The following NDUFA7 variants were observed in gnomAD, a reference collection of about 807,000 sequenced individuals.
NDUFA7 encodes NADH dehydrogenase [ubiquinone] 1 alpha subcomplex subunit 7.
NDUFA7 carries 18 observed loss-of-function variants against 14.2 expected under a neutral mutation model. The observed-to-expected ratio is 1.27, with a 90% CI of 0.88 to 1.88. The LOEUF (loss-of-function observed/expected upper bound fraction) is 1.88, where lower values mean the gene tolerates loss of function less well. Among genes scored for constraint, NDUFA7 ranks in the 40% most tolerant of loss-of-function variants. The pLI is 0.00. For missense variants in NDUFA7, 172 were observed against 147.3 expected, an observed-to-expected ratio of 1.17 and a Z score of -0.87; for synonymous variants, 75 against 62.1, an observed-to-expected ratio of 1.21 and a Z score of -0.98.
intron 2 of NDUFA7, 28 bp downstream of exon 2, chr19:8,320,829 G>A (rs1025250411): frequency 1.9e-6 from 3 of 1,613,494 alleles, no homozygotes; most frequent in Non-Finnish European, 2.5e-6. Flanking sequence ...CAGAGCCAGA[G>A]GCTGGGCAGC....
At chr19:8,315,277 G>A (rs1205431929) in intron 3 of NDUFA7, among the ~76,000 whole-genome samples, 1 of 152,136 alleles carries the variant, frequency 6.6e-6, no homozygotes, top group East Asian at 1.9e-4. Context: ...TAAAGGGTCT[G>A]TGATGAGGAG....
intron 3 of NDUFA7, among the ~76,000 whole-genome samples, chr19:8,315,945 T>C (rs966091310): frequency 2.6e-5 from 4 of 151,620 alleles, no homozygotes; most frequent in African/African-American, 9.7e-5. Flanking sequence ...ACAAGGTCAG[T>C]TCAAGACCAG....
chr19:8,316,414 C>A, intron 3 of NDUFA7, 82 bp downstream of exon 3: 1 of 1,558,158 alleles, frequency 6.4e-7, no homozygotes, highest in Non-Finnish European at 8.7e-7. Flanking sequence ...TCTTGACAAG[C>A]ACCCTTTCCA....
At chr19:8,316,792 TG>T in intron 2 of NDUFA7, 147 bp from the exon 3 acceptor site, 1 of 906,320 alleles carries the variant, frequency 1.1e-6, no homozygotes, top group Non-Finnish European at 1.7e-6. Flanking sequence ...CTTGGTACAC[TG>T]GCAGGGACAT....
intron 2 of NDUFA7, 30 bp from the exon 3 acceptor site, chr19:8,316,675 A>C (rs1302163176): frequency 3.1e-6 from 5 of 1,610,590 alleles, no homozygotes; most frequent in Non-Finnish European, 2.5e-6. Flanking sequence ...GCACTGAAGC[A>C]AAGAGACAGT....
intron 1 of NDUFA7, 146 bp from the exon 2 acceptor site, chr19:8,321,052 C>T: frequency 1.0e-6 from 1 of 977,734 alleles, no homozygotes; most frequent in South Asian, 1.5e-5. Flanking sequence ...GTGGGTCCTG[C>T]AGGTGAAGAG....
intron 2 of NDUFA7, among the ~76,000 whole-genome samples, chr19:8,320,062 G>A (rs1754706114): frequency 6.6e-6 from 1 of 151,972 alleles, no homozygotes; most frequent in Non-Finnish European, 1.5e-5. Context: ...CACTGTGTTG[G>A]CCAGGCTGGT....
rs1385450811 is a variant in NDUFA7, at chr19:8,320,918, G to A, written c.52-12C>T. ...CCCTGCAGGTCATGCTGTGGGAAGAGGAGAGGAGAGGTCGGCCTGCAAGGC... is the reference window on the plus strand; with the variant it reads ...CCCTGCAGGTCATGCTGTGGGAAGAAGAGAGGAGAGGTCGGCCTGCAAGGC... On this transcript the variant is annotated splice_polypyrimidine_tract_variant and intron_variant, in intron 1 of 3. Coordinates refer to ENST00000301457, the MANE Select transcript of NDUFA7 (RefSeq NM_005001.5). 13 of 1,613,608 alleles carry A rather than the reference G, an allele frequency of 8.1e-6. No individual in the cohort carries two copies. Among genetic ancestry groups the A allele is most frequent in the African/African-American group, 1.3e-5 (1 of 74,944 alleles).
chr19:8,319,112 C>T (rs1161752165), intron 2 of NDUFA7, among the ~76,000 whole-genome samples: 1 of 113,964 alleles, frequency 8.8e-6, no homozygotes, highest in African/African-American at 3.4e-5. Context: ...CTAGGGGGGT[C>T]GGGGGTTGGG....
chr19:8,316,086 T>C (rs148030915), intron 3 of NDUFA7, among the ~76,000 whole-genome samples: 2,235 of 142,774 alleles, frequency 0.016, 57 homozygotes, highest in African/African-American at 0.058. Context: ...GAGGTGGAGA[T>C]TGCAGTGAGC....
chr19:8,309,217 T>G (rs1168912870), downstream of NDUFA7, among the ~76,000 whole-genome samples: 1 of 151,946 alleles, frequency 6.6e-6, no homozygotes, highest in Non-Finnish European at 1.5e-5. Context: ...CTCACGCCTG[T>G]TAACCCCAGC....
Sources: gnomAD v4.1 joint callset for allele counts (sites outside exome capture counted in the v4.1 genomes callset) on GRCh38, gnomAD v4.1.1 for gene constraint, MANE v1.5 for transcripts, NCBI Gene and HGNC (gene_info 2026-07-23, HGNC 2026-07-21) for gene names.